The following TPH2 variants were observed in gnomAD, a reference collection of about 807,000 sequenced individuals.
The protein encoded by TPH2 is tryptophan hydroxylase 2.
In TPH2, 27 loss-of-function variants were observed where a neutral mutation model predicts 59.1. That is an observed-to-expected ratio of 0.46 (90% confidence interval 0.34 to 0.63). TPH2 has a LOEUF of 0.63. Among genes scored for constraint, TPH2 ranks in the 30% least tolerant of loss-of-function variants. The pLI is 0.01. For synonymous variants in TPH2, 220 were observed against 210.5 expected (o/e 1.05, Z -0.39); for missense variants, 523 against 588.3 (o/e 0.89, Z 1.15).
intron 5 of TPH2, among the ~76,000 whole-genome samples, chr12:71,960,216 G>A (rs987432183): frequency 2.6e-5 from 4 of 152,136 alleles, no homozygotes; most frequent in African/African-American, 4.8e-5. Context: ...GGTCATATTA[G>A]GGATTTTTAG....
intron 7 of TPH2, among the ~76,000 whole-genome samples, chr12:71,988,897 C>T (rs1872512202): frequency 6.6e-6 from 1 of 152,062 alleles, no homozygotes; most frequent in South Asian, 2.1e-4. Context: ...GCCTTATTTA[C>T]TTTTAAGCCA....
At chr12:71,949,717 A>T in intron 5 of TPH2, 62 bp downstream of exon 5, 1 of 1,380,484 alleles carries the variant, frequency 7.2e-7, no homozygotes. Context: ...TGCTGTGTTA[A>T]ACAAACCTGT....
At chr12:71,946,616 T>C (rs1277183172) in intron 4 of TPH2, among the ~76,000 whole-genome samples, 2 of 152,222 alleles carry the variant, frequency 1.3e-5, no homozygotes, top group African/African-American at 2.4e-5. Flanking sequence ...ATGTTCATTA[T>C]ACAGAATGTG....
intron 5 of TPH2, among the ~76,000 whole-genome samples, chr12:71,970,982 AT>A (rs1373705946): frequency 1.3e-5 from 2 of 152,194 alleles, no homozygotes; most frequent in Admixed American, 1.3e-4. Flanking sequence ...GAGAAACTCC[AT>A]TTGGACCTGA....
intron 7 of TPH2, among the ~76,000 whole-genome samples, chr12:71,992,571 T>C (rs1266735715): frequency 6.6e-6 from 1 of 152,018 alleles, no homozygotes; most frequent in African/African-American, 2.4e-5. Flanking sequence ...ACTACTGCAC[T>C]GTAGCCCGAG....
Position 71,941,571 on chromosome 12 carries a change from G to C in TPH2, c.106-13G>C, listed in dbSNP as rs772888791. 6.2e-7 allele frequency: 1 copy of C among 1,613,056 alleles called. No individual in the cohort carries two copies. The highest frequency in any genetic ancestry group is 8.5e-7 in the Non-Finnish European group (1 of 1,179,526). ...CTAATATTTTGTTTTATTATGCTTC[G>C]ACATTCCTGAAGCTAAATAAACCTA... On this transcript the variant is annotated splice_polypyrimidine_tract_variant and intron_variant, in intron 1 of 10. Transcript: ENST00000333850.
chr12:71,992,514 G>A (rs143933500), intron 7 of TPH2, among the ~76,000 whole-genome samples: 130 of 151,942 alleles, frequency 8.6e-4, no homozygotes, highest in Non-Finnish European at 1.6e-3. Flanking sequence ...TGAGGTGGGA[G>A]GATCGCTTGA....
rs145996047 is a variant in TPH2 at position 71,975,793 on chromosome 12, G to A, written c.805+3078G>A. Reference sequence around the variant, plus strand: ...AAAAGAGATTGAGAACTACCGATCAGTATCACTTAATTAGCACCTAATTAC... The same window carrying A: ...AAAAGAGATTGAGAACTACCGATCAATATCACTTAATTAGCACCTAATTAC... On this transcript the variant is annotated intron_variant, in intron 6 of 10. Coordinates refer to ENST00000333850, the MANE Select transcript of TPH2 (RefSeq NM_173353.4). Among the ~76,000 whole-genome samples the A allele has an allele frequency of 4.4e-3, 667 of 152,330 alleles. 6 individuals carry two copies. Among genetic ancestry groups the A allele is most frequent in the African/African-American group, 0.015 (635 of 41,586 alleles).
At position 71,972,721 on chromosome 12, in the gene TPH2, A is replaced by G; in HGVS notation, c.805+6A>G. 1.9e-6 allele frequency: 3 copies of G among 1,613,088 alleles called. No individual in the cohort carries two copies. The highest frequency in any genetic ancestry group is 2.5e-6 in the Non-Finnish European group (3 of 1,179,836). On this transcript the variant is annotated splice_donor_region_variant and intron_variant, in intron 6 of 10. Transcript: ENST00000333850. ...TGTCTCCATGTTTCTGAAAGGTAAG[A>G]TTTCACACAGGCTGTCTCTTATTAG...
chr12:71,980,133 G>C (rs532801514), intron 7 of TPH2, among the ~76,000 whole-genome samples: 3 of 152,152 alleles, frequency 2.0e-5, no homozygotes, highest in Non-Finnish European at 4.4e-5. Context: ...ACTTGAATGT[G>C]TATATGATGG....
At position 71,969,224 on chromosome 12, in the gene TPH2, A is replaced by G. The variant is rs369997631; in HGVS notation, c.609-3295A>G. Among the ~76,000 whole-genome samples the G allele has an allele frequency of 1.5e-4, 23 of 152,302 alleles. No homozygotes were observed. The East Asian group carries it at 4.1e-3, about 27-fold the overall frequency. ...CGTGAACCCGGGAGGCGGAGCTTGC[A>G]GTGAGCCGGGATTACACCACTGCAC... is the stretch of plus-strand genomic sequence containing the variant. On this transcript the variant is annotated intron_variant, in intron 5 of 10. Coordinates refer to ENST00000333850, the MANE Select transcript of TPH2 (RefSeq NM_173353.4).
Position 71,963,927 on chromosome 12 carries a change from T to C in TPH2, c.609-8592T>C, listed in dbSNP as rs768218200. Reference sequence around the variant, plus strand: ...ACTTGGGTTTTTAAAAAATTATTCTTCTCTTTACAGAAGTCTCAGCATATT... The same window carrying C: ...ACTTGGGTTTTTAAAAAATTATTCTCCTCTTTACAGAAGTCTCAGCATATT... On this transcript the variant is annotated intron_variant, in intron 5 of 10. Coordinates refer to ENST00000333850, the MANE Select transcript of TPH2 (RefSeq NM_173353.4). Among the ~76,000 whole-genome samples the C allele has an allele frequency of 1.7e-3, 89 of 51,638 alleles. 42 individuals carry two copies. In the Middle Eastern group the frequency reaches 0.067, roughly 39 times the overall value. 33.9% of individuals were successfully genotyped at this position (51,638 alleles called of 152,430 possible). A position where few individuals can be genotyped will look rare whatever the true frequency, so the allele number is the denominator to read the frequency against.
intron 1 of TPH2, 97 bp downstream of exon 1, chr12:71,939,188 C>A: frequency 2.2e-6 from 2 of 898,136 alleles, no homozygotes; most frequent in Non-Finnish European, 1.8e-6. Context: ...TAAGCACGCA[C>A]ACCTCAAATT....
Position 71,941,604 on chromosome 12 carries a change from C to T in TPH2, c.126C>T (p.Gly42=). The part of the protein sequence containing the change: ...GSSTLNKPNS[G]KNDDKGNKGS... ...TGAAGCTAAATAAACCTAACTCTGG[C>T]AAAAATGACGACAAAGGCAACAAGG... The change falls in exon 2 of 11, where the codon GGC becomes GGT. Residue 42 remains glycine, a synonymous_variant. Transcript: ENST00000333850. 1 of 1,613,870 alleles carries T rather than the reference C, an allele frequency of 6.2e-7. No homozygotes were observed. Among genetic ancestry groups the T allele is most frequent in the Non-Finnish European group, 8.5e-7 (1 of 1,179,912 alleles).
intron 5 of TPH2, chr12:71,962,349 T>C (rs1462975803): frequency 3.0e-6 from 3 of 985,362 alleles, no homozygotes; most frequent in South Asian, 4.7e-5. Flanking sequence ...GAAACATCTC[T>C]GTATTTAGTT....
chr12:71,999,797 A>G (rs1872777941), intron 8 of TPH2, among the ~76,000 whole-genome samples: 1 of 152,244 alleles, frequency 6.6e-6, no homozygotes, highest in Non-Finnish European at 1.5e-5. Flanking sequence ...AAACAGAACT[A>G]CAAGGCTCTC....
chr12:71,994,514 A>G lies in TPH2; in HGVS notation c.1017A>G (p.Ile339Met), dbSNP rs143153059. 1.2e-6 allele frequency: 2 copies of G among 1,614,026 alleles called. No individual in the cohort carries two copies. The highest frequency in any genetic ancestry group is 2.2e-5 in the South Asian group (2 of 91,076). Residue 339 changes from isoleucine to methionine, a missense_variant, in exon 8 of 11, where the codon ATA (isoleucine) becomes ATG (methionine). Ile to Met is a conservative substitution (Grantham distance 10). Transcript: ENST00000333850. ...AGTTTGCTCAGTTTTCACAAGAAAT[A>G]GGTCTGGCGTCTCTGGGAGCATCAG... is the stretch of plus-strand genomic sequence containing the variant. ...DPKFAQFSQE[I>M]GLASLGASDE...
At position 71,941,711 on chromosome 12, in the gene TPH2, TA is replaced by T; in HGVS notation, c.237del (p.Ala80HisfsTer2). On this transcript the variant is annotated frameshift_variant, in exon 2 of 11. Transcript: ENST00000333850. LOFTEE classifies it high-confidence loss of function. Reference protein sequence around the residue: ...FSLKNEVGGLVKALRLFQEKR... With the variant: ...FSLKNEVGGLXKALRLFQEKR... ...TTGAAGAATGAAGTTGGTGGATTGG[TA>T]AAAGCACTGAGGCTCTTTCAGGTGA... 6.2e-7 allele frequency: 1 copy of T among 1,614,038 alleles called. No homozygotes were observed. The highest frequency in any genetic ancestry group is 8.5e-7 in the Non-Finnish European group (1 of 1,179,938).
intron 8 of TPH2, among the ~76,000 whole-genome samples, chr12:72,012,448 T>A (rs1198204278): frequency 1.3e-5 from 2 of 152,160 alleles, no homozygotes; most frequent in African/African-American, 4.8e-5. Context: ...AAGAGCAGGA[T>A]CAGTCTGTGC....
Sources: allele counts gnomAD v4.1 joint callset (sites outside exome capture counted in the v4.1 genomes callset), GRCh38; gene constraint gnomAD v4.1.1; transcripts MANE v1.5; gene names NCBI Gene and HGNC (gene_info 2026-07-23, HGNC 2026-07-21).